The following ZRANB3 variants were observed in gnomAD, a reference collection of about 807,000 sequenced individuals.
ZRANB3 encodes the protein DNA annealing helicase and endonuclease ZRANB3.
A neutral mutation model predicts 133.8 loss-of-function variants in ZRANB3; 125 were observed. That is an observed-to-expected ratio of 0.93 (90% CI 0.81 to 1.08). The LOEUF (loss-of-function observed/expected upper bound fraction) is 1.08. Among genes scored for constraint, ZRANB3 ranks in the 50% least tolerant of loss-of-function variants. The pLI, the probability that ZRANB3 is intolerant of heterozygous loss-of-function variation, is 0.00. For missense variants in ZRANB3, 1,229 were observed against 1,275.5 expected (o/e 0.96, Z 0.56); for synonymous variants, 387 against 432.7 (o/e 0.89, Z 1.31).
chr2:135,307,764 T>C (rs555957215), intron 8 of ZRANB3, among the ~76,000 whole-genome samples: 2 of 152,244 alleles, frequency 1.3e-5, no homozygotes, highest in South Asian at 2.1e-4. Flanking sequence ...GAGGTGATGA[T>C]AGTATGGTGG....
At chr2:135,356,250 A>G (rs1685429819) in intron 3 of ZRANB3, among the ~76,000 whole-genome samples, 1 of 152,200 alleles carries the variant, frequency 6.6e-6, no homozygotes, top group South Asian at 2.1e-4. Context: ...ATAACAACAT[A>G]CTACATTCTT....
At chr2:135,390,882 G>A (rs184428333) in intron 2 of ZRANB3, 62 bp from the exon 3 acceptor site, 1 of 1,440,018 alleles carries the variant, frequency 6.9e-7, no homozygotes, top group Non-Finnish European at 9.1e-7. Context: ...TTTTTTTTGA[G>A]ATGGAGTCTC....
chr2:135,491,013 G>T (rs922717306), intron 2 of ZRANB3, among the ~76,000 whole-genome samples: 11 of 152,038 alleles, frequency 7.2e-5, no homozygotes, highest in African/African-American at 2.7e-4. Context: ...AGGATGAAGA[G>T]GTTGATTAAT....
intron 3 of ZRANB3, among the ~76,000 whole-genome samples, chr2:135,377,219 G>GA (rs1304431229): frequency 6.6e-6 from 1 of 152,058 alleles, no homozygotes; most frequent in Non-Finnish European, 1.5e-5. Flanking sequence ...GCAAACCAAG[G>GA]AATGTCAAGG....
intron 3 of ZRANB3, among the ~76,000 whole-genome samples, chr2:135,390,596 T>G (rs575833092): frequency 2.0e-5 from 3 of 152,062 alleles, no homozygotes; most frequent in African/African-American, 4.8e-5. Context: ...ATGTATCAGA[T>G]GCATGTCTAG....
intron 14 of ZRANB3, among the ~76,000 whole-genome samples, chr2:135,224,914 A>G (rs2105060574): frequency 6.6e-6 from 1 of 152,350 alleles, no homozygotes; most frequent in African/African-American, 2.4e-5. Flanking sequence ...TATTAGCAGC[A>G]ACATCGCTAT....
At chr2:135,515,490 T>G (rs1170529851) in intron 1 of ZRANB3, among the ~76,000 whole-genome samples, 1 of 152,250 alleles carries the variant, frequency 6.6e-6, no homozygotes, top group Non-Finnish European at 1.5e-5. Flanking sequence ...TGTGTCTTTG[T>G]TCTCATTGGT....
intron 19 of ZRANB3, among the ~76,000 whole-genome samples, chr2:135,206,509 G>A (rs1192366781): frequency 6.6e-6 from 1 of 151,968 alleles, no homozygotes; most frequent in Non-Finnish European, 1.5e-5. Context: ...CAAAGTGTTG[G>A]GATTACAGGT....
At chr2:135,256,608 G>T (rs776822470) in intron 12 of ZRANB3, among the ~76,000 whole-genome samples, 2 of 152,220 alleles carry the variant, frequency 1.3e-5, no homozygotes, top group South Asian at 4.1e-4. Context: ...GATTATAGGC[G>T]TGAGCCACCA....
chr2:135,447,922 T>C (rs1690095874), intron 2 of ZRANB3, among the ~76,000 whole-genome samples: 1 of 152,202 alleles, frequency 6.6e-6, no homozygotes, highest in Non-Finnish European at 1.5e-5. Flanking sequence ...CATATTCTTT[T>C]TATTTTACTG....
chr2:135,364,258 T>G (rs1675360735), intron 3 of ZRANB3, among the ~76,000 whole-genome samples: 1 of 152,198 alleles, frequency 6.6e-6, no homozygotes, highest in South Asian at 2.1e-4. Flanking sequence ...TAGCTTTGCC[T>G]AATTTTTGGC....
At chr2:135,324,529 C>T (rs1683704269) in intron 6 of ZRANB3, among the ~76,000 whole-genome samples, 1 of 152,096 alleles carries the variant, frequency 6.6e-6, no homozygotes. Context: ...GTGAATAGTG[C>T]CGCAATAAAC....
At chr2:135,257,674 T>C (rs1331588494) in intron 12 of ZRANB3, among the ~76,000 whole-genome samples, 1 of 152,240 alleles carries the variant, frequency 6.6e-6, no homozygotes. Context: ...ATAATCTTAA[T>C]AGATGTTTAT....
intron 1 of ZRANB3, among the ~76,000 whole-genome samples, chr2:135,516,185 G>A (rs1269894554): frequency 1.3e-5 from 2 of 151,778 alleles, no homozygotes; most frequent in African/African-American, 2.4e-5. Flanking sequence ...GTCTTTGCAC[G>A]TGAGATGGGT....
chr2:135,398,166 C>T (rs1291722891), intron 2 of ZRANB3, among the ~76,000 whole-genome samples: 2 of 151,786 alleles, frequency 1.3e-5, no homozygotes, highest in East Asian at 1.9e-4. Context: ...CCCGGGTTCA[C>T]GCCATTCTCC....
intron 2 of ZRANB3, among the ~76,000 whole-genome samples, chr2:135,454,048 G>A (rs1435419529): frequency 1.3e-5 from 2 of 152,214 alleles, no homozygotes; most frequent in African/African-American, 4.8e-5. Flanking sequence ...TTACATGGTG[G>A]CAGCAAAAGA....
Position 135,227,867 on chromosome 2 carries a change from C to A in ZRANB3, c.2103G>T (p.Lys701Asn). 6.3e-7 allele frequency: 1 copy of A among 1,575,710 alleles called. No homozygotes were observed. Among genetic ancestry groups the A allele is most frequent in the Non-Finnish European group, 8.6e-7 (1 of 1,158,788 alleles). The part of the protein sequence containing the change: ...QSEPGQLADS[K>N]EETPKIEKED... Reference sequence around the variant, plus strand: ...CTTTCTCAATTTTTGGTGTTTCTTCCTTGCTGTCAGCCAACTGGCCAGGTT... The same window carrying A: ...CTTTCTCAATTTTTGGTGTTTCTTCATTGCTGTCAGCCAACTGGCCAGGTT... The change falls in exon 14 of 21, where the codon AAG becomes AAT. Residue 701 changes from lysine to asparagine, a missense_variant. Physicochemically the swap from Lys to Asn is moderately conservative, Grantham distance 94. Coordinates refer to ENST00000264159, the MANE Select transcript of ZRANB3 (RefSeq NM_032143.4).
chr2:135,353,274 A>G, intron 4 of ZRANB3, 176 bp downstream of exon 4: 1 of 384,814 alleles, frequency 2.6e-6, no homozygotes. Context: ...ACTAAAATAT[A>G]CTATTGGGTT....
intron 2 of ZRANB3, among the ~76,000 whole-genome samples, chr2:135,423,158 C>T (rs907278420): frequency 2.0e-5 from 3 of 152,162 alleles, no homozygotes; most frequent in Admixed American, 2.0e-4. Flanking sequence ...CCTGGCCAGG[C>T]GCACTGGATC....
Sources: allele counts gnomAD v4.1 joint callset (sites outside exome capture counted in the v4.1 genomes callset), GRCh38; gene constraint gnomAD v4.1.1; transcripts MANE v1.5; gene names NCBI Gene and HGNC (gene_info 2026-07-23, HGNC 2026-07-21).